The following CSMD1 variants were observed in gnomAD, a reference collection of about 807,000 sequenced individuals.
The protein encoded by CSMD1 is CUB and Sushi multiple domains 1.
Under a neutral mutation model 417.5 loss-of-function variants are expected in CSMD1, and 213 were observed. That is an observed-to-expected ratio of 0.51 (90% CI 0.46 to 0.57). The LOEUF (loss-of-function observed/expected upper bound fraction) is 0.57, where lower values mean the gene tolerates loss of function less well. CSMD1 is among the 20% of genes least tolerant of loss of function. The pLI, the probability that CSMD1 is intolerant of heterozygous loss-of-function variation, is 0.00. For synonymous variants in CSMD1, 2,862 were observed against 1,736.8 expected, an observed-to-expected ratio of 1.65 and a Z score of -16.11; for missense variants, 6,923 against 4,529.7, an observed-to-expected ratio of 1.53 and a Z score of -15.17.
At chr8:3,712,394 G>GAC (rs1338205501) in intron 6 of CSMD1, among the ~76,000 whole-genome samples, 2 of 78,360 alleles carry the variant, frequency 2.6e-5, no homozygotes, top group East Asian at 3.1e-4. Flanking sequence ...GAGAGAGAGA[G>GAC]AGAGAGACAG....
intron 54 of CSMD1, among the ~76,000 whole-genome samples, chr8:2,994,233 C>A (rs904098747): frequency 6.7e-6 from 1 of 149,948 alleles, no homozygotes; most frequent in Admixed American, 6.6e-5. Flanking sequence ...TTCAAACAAC[C>A]AAAGAAGTAG....
intron 26 of CSMD1, among the ~76,000 whole-genome samples, chr8:3,280,002 C>G: frequency 6.6e-6 from 1 of 152,252 alleles, no homozygotes; most frequent in Non-Finnish European, 1.5e-5. Flanking sequence ...TACAGAGATC[C>G]GGAAAGAGAT....
chr8:3,581,394 C>G (rs901197557), intron 9 of CSMD1, among the ~76,000 whole-genome samples: 3 of 152,328 alleles, frequency 2.0e-5, no homozygotes, highest in African/African-American at 4.8e-5. Flanking sequence ...AACCATTCAT[C>G]TGTTTGGTAA....
chr8:4,256,763 T>C (rs1031498235), intron 3 of CSMD1, among the ~76,000 whole-genome samples: 1 of 152,138 alleles, frequency 6.6e-6, no homozygotes, highest in East Asian at 1.9e-4. Flanking sequence ...GGCAGTGCCC[T>C]GCTCTCAAGC....
intron 6 of CSMD1, among the ~76,000 whole-genome samples, chr8:3,709,709 T>TTTTTTTTTTTTTTTTTTTTTTTTTTC (rs1554518391): frequency 7.7e-6 from 1 of 129,510 alleles, no homozygotes; most frequent in African/African-American, 2.9e-5. Context: ...TTTTTTTTTT[T>TTTTTTTTTTTTTTTTTTTTTTTTTTC]CCCTGCTTTC....
rs368221504 is a variant in CSMD1, at chr8:4,331,425, T to C, written c.415+88528A>G. 5.3e-5 allele frequency among the ~76,000 whole-genome samples: 8 copies of C among 152,332 alleles called. No individual in the cohort carries two copies. The East Asian group carries it at 1.5e-3, about 29-fold the overall frequency. On this transcript the variant is annotated intron_variant, in intron 3 of 69. Transcript: ENST00000635120. ...CATGGTTAGTTGTCTTTCAGTGATT[T>C]AAAAATACATCCTGGTTTCTGGTAA...
chr8:4,597,847 G>C (rs566655376), intron 2 of CSMD1, among the ~76,000 whole-genome samples: 2 of 152,280 alleles, frequency 1.3e-5, no homozygotes, highest in South Asian at 4.1e-4. Flanking sequence ...CAAACTCACA[G>C]AAGCTTCTGA....
At chr8:4,714,577 T>C (rs998104288) in intron 1 of CSMD1, among the ~76,000 whole-genome samples, 6 of 152,152 alleles carry the variant, frequency 3.9e-5, no homozygotes, top group Non-Finnish European at 7.3e-5. Flanking sequence ...CCCAAGTTCA[T>C]AGGGTTATTG....
chr8:3,244,947 A>T lies in CSMD1; in HGVS notation c.4154-14716T>A, dbSNP rs114450016. ...AACTGACTCCCTTCGGGAACATGTG[A>T]TCCTGAAGTTATTTTTTGGCTATTT... On this transcript the variant is annotated intron_variant, in intron 26 of 69. Coordinates refer to ENST00000635120, the MANE Select transcript of CSMD1 (RefSeq NM_033225.6). Among the ~76,000 whole-genome samples the T allele has an allele frequency of 1.1e-3, 162 of 152,282 alleles. 1 individual carries two copies. The highest frequency in any genetic ancestry group is 3.8e-3 in the African/African-American group (156 of 41,572).
chr8:3,337,437 C>T (rs1807341904), intron 23 of CSMD1, among the ~76,000 whole-genome samples: 1 of 152,140 alleles, frequency 6.6e-6, no homozygotes, highest in Non-Finnish European at 1.5e-5. Context: ...ATTCTACAAC[C>T]AAAATTTAAG....
rs977976187 is a variant in CSMD1 at position 3,721,112 on chromosome 8, C to A, written c.932-12621G>T. Among the ~76,000 whole-genome samples, 4 of 152,188 alleles carry A rather than the reference C, an allele frequency of 2.6e-5. 1 individual carries two copies. Among genetic ancestry groups the A allele is most frequent in the Admixed American group, 2.0e-4 (3 of 15,278 alleles). On this transcript the variant is annotated intron_variant, in intron 6 of 69. Coordinates refer to ENST00000635120, the MANE Select transcript of CSMD1 (RefSeq NM_033225.6). Reference sequence around the variant, plus strand: ...TGCTGGGATTACAGGTGTGAGCCACCATGCCCGGCCAGTTGCGACTTTTGC... The same window carrying A: ...TGCTGGGATTACAGGTGTGAGCCACAATGCCCGGCCAGTTGCGACTTTTGC...
At chr8:4,662,736 C>G (rs550150863) in intron 1 of CSMD1, among the ~76,000 whole-genome samples, 1 of 152,166 alleles carries the variant, frequency 6.6e-6, no homozygotes. Flanking sequence ...GTCACATACA[C>G]CTCCTGCTCC....
rs530015676 is a variant in CSMD1, at chr8:3,550,299, A to G, written c.1344+24646T>C. Among the ~76,000 whole-genome samples, 4 of 152,196 alleles carry G rather than the reference A, an allele frequency of 2.6e-5. No individual in the cohort carries two copies. The East Asian group carries it at 7.8e-4, about 30-fold the overall frequency. On this transcript the variant is annotated intron_variant, in intron 10 of 69. Coordinates refer to ENST00000635120, the MANE Select transcript of CSMD1 (RefSeq NM_033225.6). ...GCTGCCCTCTCCTGTTTTCTCCAAT[A>G]ATTCCCACCTTTTTGGCATTTCTTG...
chr8:4,098,919 G>C (rs756512550), intron 3 of CSMD1, among the ~76,000 whole-genome samples: 9 of 152,158 alleles, frequency 5.9e-5, no homozygotes, highest in Admixed American at 1.3e-4. Context: ...CAGTATTAGA[G>C]ACTGGGGTAC....
intron 7 of CSMD1, among the ~76,000 whole-genome samples, chr8:3,622,318 C>T (rs1472290160): frequency 1.3e-5 from 2 of 152,164 alleles, no homozygotes; most frequent in Admixed American, 6.5e-5. Context: ...TCAAGATGAA[C>T]GACTATCATT....
chr8:3,182,789 A>C lies in CSMD1; in HGVS notation c.5621-1575T>G, dbSNP rs190353506. On this transcript the variant is annotated intron_variant, in intron 36 of 69. Coordinates refer to ENST00000635120, the MANE Select transcript of CSMD1 (RefSeq NM_033225.6). ...TGTGTATTGTTAGAGAAGTGGTTTC[A>C]CCGTGTTAGCCAGGATGGTCTCGGG... Among the ~76,000 whole-genome samples the C allele has an allele frequency of 3.2e-3, 332 of 104,604 alleles. 1 individual carries two copies. The highest frequency in any genetic ancestry group is 0.012 in the African/African-American group (316 of 27,240). The allele number at this position is 104,604 out of a possible 152,430, so 68.6% of individuals were successfully genotyped here.
chr8:3,466,407 A>G (rs1428093588), intron 12 of CSMD1, among the ~76,000 whole-genome samples: 1 of 147,322 alleles, frequency 6.8e-6, no homozygotes, highest in Non-Finnish European at 1.5e-5. Flanking sequence ...ATATTTTCTG[A>G]TAATTTTTTT....
chr8:4,798,636 G>A (rs1164938567), intron 1 of CSMD1, among the ~76,000 whole-genome samples: 1 of 151,960 alleles, frequency 6.6e-6, no homozygotes, highest in East Asian at 1.9e-4. Context: ...CTAAAACCTG[G>A]TCAATTCTTT....
At chr8:4,835,405 C>G (rs1222197810) in intron 1 of CSMD1, among the ~76,000 whole-genome samples, 3 of 152,070 alleles carry the variant, frequency 2.0e-5, no homozygotes, top group Non-Finnish European at 4.4e-5. Context: ...ATGATTTCAC[C>G]ATTAGCAAAC....
Sources: allele counts gnomAD v4.1 joint callset (sites outside exome capture counted in the v4.1 genomes callset), GRCh38; gene constraint gnomAD v4.1.1; transcripts MANE v1.5; gene names NCBI Gene and HGNC (gene_info 2026-07-23, HGNC 2026-07-21).